SGCZ: variants seen among roughly 807,000 people sequenced by gnomAD.
The protein encoded by SGCZ is sarcoglycan zeta.
SGCZ carries 40 observed loss-of-function variants against 41.3 expected under a neutral mutation model. That is an observed-to-expected ratio of 0.97 (90% CI 0.75 to 1.26). The LOEUF is 1.26. SGCZ is among the 50% of genes most tolerant of loss of function. The probability of loss-of-function intolerance (pLI) is 0.00; values close to 1 mark genes in which losing one functional copy is unlikely to be tolerated. For synonymous variants in SGCZ, 206 were observed against 137.5 expected, an observed-to-expected ratio of 1.50 and a Z score of -3.49; for missense variants, 552 against 369.8, an observed-to-expected ratio of 1.49 and a Z score of -4.04.
intron 1 of SGCZ, among the ~76,000 whole-genome samples, chr8:14,806,204 A>G (rs1292429045): frequency 1.3e-5 from 2 of 152,038 alleles, no homozygotes; most frequent in African/African-American, 4.8e-5. Flanking sequence ...TTCAAAAGCT[A>G]GCAGAAGGCA....
intron 1 of SGCZ, among the ~76,000 whole-genome samples, chr8:14,780,236 G>A (rs572979454): frequency 6.6e-6 from 1 of 152,040 alleles, no homozygotes; most frequent in South Asian, 2.1e-4. Flanking sequence ...TTAGCCTGGT[G>A]TGGTGGCGGG....
intron 2 of SGCZ, among the ~76,000 whole-genome samples, chr8:14,526,159 T>C (rs904335875): frequency 3.9e-5 from 6 of 152,176 alleles, no homozygotes; most frequent in African/African-American, 4.8e-5. Flanking sequence ...TTATCACCTA[T>C]ACAATTTAGC....
chr8:14,325,998 G>A (rs918442609), intron 2 of SGCZ, among the ~76,000 whole-genome samples: 15 of 148,548 alleles, frequency 1.0e-4, no homozygotes, highest in South Asian at 2.1e-4. Flanking sequence ...TGTAGTCCCA[G>A]GTACTCGGAA....
At chr8:14,464,745 TA>T (rs1207289575) in intron 2 of SGCZ, among the ~76,000 whole-genome samples, 1 of 151,618 alleles carries the variant, frequency 6.6e-6, no homozygotes, top group Non-Finnish European at 1.5e-5. Context: ...ATACGCCATG[TA>T]ACACTGATTT....
At chr8:14,772,462 T>C (rs1023813649) in intron 1 of SGCZ, among the ~76,000 whole-genome samples, 3 of 151,770 alleles carry the variant, frequency 2.0e-5, no homozygotes, top group Non-Finnish European at 4.4e-5. Flanking sequence ...AGTTTTAGGG[T>C]ACATGTGCAC....
At chr8:14,565,597 CTTT>C (rs1804334678) in intron 1 of SGCZ, among the ~76,000 whole-genome samples, 1 of 152,010 alleles carries the variant, frequency 6.6e-6, no homozygotes, top group Non-Finnish European at 1.5e-5. Flanking sequence ...AAGGAAAAAT[CTTT>C]AAGGAAAAAC....
intron 2 of SGCZ, among the ~76,000 whole-genome samples, chr8:14,449,282 C>T (rs761478265): frequency 5.9e-5 from 9 of 152,170 alleles, no homozygotes; most frequent in Non-Finnish European, 1.2e-4. Flanking sequence ...TTCACATTGG[C>T]CTGGACAAAG....
rs182337965 is a variant in SGCZ, at chr8:14,566,363, A to G, written c.40-11437T>C. ...AAACAAGGAAGTAAAAAGTGGCCGA[A>G]TGGCCATCATAAGATGGGGCCAGTG... On this transcript the variant is annotated intron_variant, in intron 1 of 7. Transcript: ENST00000382080. 2.0e-5 allele frequency among the ~76,000 whole-genome samples: 3 copies of G among 152,324 alleles called. No individual in the cohort carries two copies. The East Asian group carries it at 5.8e-4, about 29-fold the overall frequency.
Position 15,167,425 on chromosome 8 carries a change from G to A in SGCZ, c.39+70160C>T, listed in dbSNP as rs139535208. Among the ~76,000 whole-genome samples the A allele has an allele frequency of 4.1e-3, 602 of 147,928 alleles. 3 individuals carry two copies. Among genetic ancestry groups the A allele is most frequent in the African/African-American group, 0.014 (575 of 41,066 alleles). On this transcript the variant is annotated intron_variant, in intron 1 of 7. Transcript: ENST00000382080. ...CTGTCACTTTCTAACAGGTCTAGGAGCTCCAAGTTCATCTTGGGACTTAAG... is the reference window on the plus strand; with the variant it reads ...CTGTCACTTTCTAACAGGTCTAGGAACTCCAAGTTCATCTTGGGACTTAAG...
chr8:14,221,201 G>C (rs1364875315), intron 4 of SGCZ, among the ~76,000 whole-genome samples: 2 of 152,214 alleles, frequency 1.3e-5, no homozygotes, highest in Non-Finnish European at 2.9e-5. Flanking sequence ...ATGTGTATGT[G>C]TGTGTAAAAC....
At chr8:15,204,266 A>G (rs950881337) in intron 1 of SGCZ, among the ~76,000 whole-genome samples, 1 of 152,200 alleles carries the variant, frequency 6.6e-6, no homozygotes, top group Non-Finnish European at 1.5e-5. Flanking sequence ...ATACATTCAA[A>G]AAGCCAAAGT....
intron 2 of SGCZ, among the ~76,000 whole-genome samples, chr8:14,463,011 C>T (rs1800946317): frequency 6.6e-6 from 1 of 151,502 alleles, no homozygotes. Context: ...GTATAAAATA[C>T]AACTGATTTT....
At chr8:14,998,427 G>C (rs1039846339) in intron 1 of SGCZ, among the ~76,000 whole-genome samples, 2 of 152,160 alleles carry the variant, frequency 1.3e-5, no homozygotes, top group African/African-American at 2.4e-5. Context: ...TACATAAGGA[G>C]CGTGACTTTA....
chr8:15,110,186 G>A (rs993229205), intron 1 of SGCZ, among the ~76,000 whole-genome samples: 2 of 152,172 alleles, frequency 1.3e-5, no homozygotes, highest in Admixed American at 6.5e-5. Flanking sequence ...ATGGATTCCT[G>A]TTATTTCTGT....
intron 2 of SGCZ, among the ~76,000 whole-genome samples, chr8:14,392,561 G>A (rs958936911): frequency 6.6e-6 from 1 of 152,164 alleles, no homozygotes; most frequent in Non-Finnish European, 1.5e-5. Flanking sequence ...AGGGGTCCAT[G>A]TACATACACC....
At chr8:14,861,097 A>T (rs1169713200) in intron 1 of SGCZ, among the ~76,000 whole-genome samples, 1 of 152,192 alleles carries the variant, frequency 6.6e-6, no homozygotes, top group African/African-American at 2.4e-5. Context: ...GTAGATGCGT[A>T]CGAGGTGAAT....
chr8:14,613,471 T>G (rs978098892), intron 1 of SGCZ, among the ~76,000 whole-genome samples: 5 of 152,122 alleles, frequency 3.3e-5, no homozygotes, highest in Non-Finnish European at 7.4e-5. Context: ...TCAGGTAACT[T>G]GAACTGAAAT....
At chr8:14,693,206 T>C (rs556530500) in intron 1 of SGCZ, among the ~76,000 whole-genome samples, 23 of 152,302 alleles carry the variant, frequency 1.5e-4, no homozygotes, top group Admixed American at 2.0e-4. Context: ...TATTCATTAA[T>C]TGAATATTCT....
At chr8:14,769,443 C>T (rs945349675) in intron 1 of SGCZ, among the ~76,000 whole-genome samples, 1 of 152,084 alleles carries the variant, frequency 6.6e-6, no homozygotes, top group Non-Finnish European at 1.5e-5. Context: ...AATTTGAAAG[C>T]AAAATCTAAT....
Sources: gnomAD v4.1 joint callset for allele counts (sites outside exome capture counted in the v4.1 genomes callset) on GRCh38, gnomAD v4.1.1 for gene constraint, MANE v1.5 for transcripts, NCBI Gene and HGNC (gene_info 2026-07-23, HGNC 2026-07-21) for gene names.